Variants in GNE observed in about 807,000 individuals in gnomAD.
The protein encoded by GNE is glucosamine (UDP-N-acetyl)-2-epimerase/N-acetylmannosamine kinase, also known as bifunctional UDP-N-acetylglucosamine 2-epimerase/N-acetylmannosamine kinase.
Under a neutral mutation model 61.8 loss-of-function variants are expected in GNE, and 41 were observed. The ratio of observed to expected loss-of-function variants is 0.66; its 90% CI spans 0.52 to 0.86. The LOEUF is 0.86. Ranked by LOEUF, GNE falls within the 40% of genes least tolerant of loss-of-function variation. The probability of loss-of-function intolerance (pLI) is 0.00; values close to 1 mark genes in which losing one functional copy is unlikely to be tolerated. For synonymous variants in GNE, 264 were observed against 326.4 expected (o/e 0.81, Z 2.06); for missense variants, 608 against 909.1 (o/e 0.67, Z 4.26).
rs148697863 is a variant in GNE at position 36,227,596 on chromosome 9, G to A, written c.1071-138C>T. On this transcript the variant is annotated intron_variant, in intron 6 of 11. Coordinates refer to ENST00000642385, the MANE Select transcript of GNE (RefSeq NM_005476.7). Reference sequence around the variant, plus strand: ...CTTCCTAAAGTGACATCTTCCTGCCGTGCACAGTGGCTCACACCTGTAATC... The same window carrying A: ...CTTCCTAAAGTGACATCTTCCTGCCATGCACAGTGGCTCACACCTGTAATC... 635 of 685,340 alleles carry A rather than the reference G, an allele frequency of 9.3e-4. 2 individuals carry two copies. The East Asian group carries it at 0.016, about 17-fold the overall frequency. The allele number at this position is 685,340 out of a possible 1,614,324, so 42.5% of individuals were successfully genotyped here.
chr9:36,221,237 C>A (rs1327758739), intron 9 of GNE, among the ~76,000 whole-genome samples: 5 of 152,158 alleles, frequency 3.3e-5, no homozygotes, highest in Non-Finnish European at 7.4e-5. Flanking sequence ...AGGGGAATCA[C>A]TTGAATCTGG....
rs34605685 is a variant in GNE, at chr9:36,248,026, CAAAAAAAAA to C, written c.164+1157_164+1165del. On this transcript the variant is annotated intron_variant, in intron 2 of 11. Coordinates refer to ENST00000642385, the MANE Select transcript of GNE (RefSeq NM_005476.7). ...GGGCAACAAGAGCAAAACTCCGTCT[CAAAAAAAAA>C]AAAAAAAAAAAAAATCTGTGGATCC... 4.5e-3 allele frequency among the ~76,000 whole-genome samples: 367 copies of C among 80,836 alleles called. 2 individuals carry two copies. Among genetic ancestry groups the C allele is most frequent in the Middle Eastern group, 0.019 (2 of 106 alleles). The allele number at this position is 80,836 out of a possible 152,430, so 53.0% of individuals were successfully genotyped here.
intron 1 of GNE, among the ~76,000 whole-genome samples, chr9:36,271,509 G>C (rs1221064803): frequency 1.3e-5 from 2 of 152,162 alleles, no homozygotes; most frequent in East Asian, 1.9e-4. Flanking sequence ...AAGTAGCTGG[G>C]ACTACAGGCG....
upstream of GNE, among the ~76,000 whole-genome samples, chr9:36,260,852 G>A (rs1417950306): frequency 5.5e-5 from 7 of 127,672 alleles, no homozygotes; most frequent in Non-Finnish European, 7.9e-5. Context: ...CTGGGCAACA[G>A]AGCGAGACTC....
chr9:36,229,052 G>T lies in GNE; in HGVS notation c.1039C>A (p.Leu347Met). The change falls in exon 6 of 12, where the codon CTG (leucine) becomes ATG (methionine). Residue 347 changes from leucine (L) to methionine (M), a missense_variant. By Grantham distance (15) the Leu-to-Met change is conservative. Coordinates refer to ENST00000642385, the MANE Select transcript of GNE (RefSeq NM_005476.7). The stretch of plus-strand genomic sequence containing the variant: ...TACTGTTTACCAAACTGAAGGTGCA[G>T]TGCTTGCAATATTTTGTCTTGGGTG... ...ADTQDKILQA[L>M]HLQFGKQYPC... 3.7e-6 allele frequency: 6 copies of T among 1,610,788 alleles called. No homozygotes were observed. The highest frequency in any genetic ancestry group is 5.1e-6 in the Non-Finnish European group (6 of 1,177,010).
At chr9:36,231,081 A>AAAAAAAAAAAAAG (rs1554660476) in intron 5 of GNE, among the ~76,000 whole-genome samples, 1 of 140,872 alleles carries the variant, frequency 7.1e-6, no homozygotes, top group African/African-American at 2.7e-5. Context: ...AAAAAAAAAA[A>AAAAAAAAAAAAAG]AAAGAAAGAA....
intron 1 of GNE, chr9:36,265,709 T>A (rs544047539): frequency 3.2e-6 from 1 of 314,796 alleles, no homozygotes; most frequent in Admixed American, 3.8e-5. Context: ...GAAGTGGGGG[T>A]GGGGATGGTT....
In GNE at chr9:36,276,293, A is replaced by T. The variant is rs533479221; in HGVS notation, c.51+601T>A. On this transcript the variant is annotated intron_variant, in intron 1 of 11. Transcript: ENST00000396594. ...GATGATGATTTCCTAAAACATTTGG[A>T]TTTCCATATGCCTCAATGAAAAATT... is the stretch of plus-strand genomic sequence containing the variant. Among the ~76,000 whole-genome samples the T allele has an allele frequency of 2.0e-5, 3 of 152,308 alleles. No homozygotes were observed. The South Asian group carries it at 6.2e-4, about 32-fold the overall frequency.
intron 1 of GNE, among the ~76,000 whole-genome samples, chr9:36,252,218 C>CTCA (rs1830132629): frequency 6.6e-6 from 1 of 152,208 alleles, no homozygotes; most frequent in South Asian, 2.1e-4. Context: ...AACTCCTGAC[C>CTCA]TCATGATCCA....
At chr9:36,269,096 C>G (rs1363535396) in intron 1 of GNE, among the ~76,000 whole-genome samples, 3 of 150,134 alleles carry the variant, frequency 2.0e-5, no homozygotes, top group Non-Finnish European at 4.4e-5. Context: ...TGCCACTGCA[C>G]TCCAGCCTGG....
At chr9:36,259,320 C>A (rs746475214), upstream of GNE, among the ~76,000 whole-genome samples, 9 of 152,200 alleles carry the variant, frequency 5.9e-5, no homozygotes, top group South Asian at 2.1e-4. Flanking sequence ...CGAGACCAAC[C>A]TGGGCAACAG....
intron 9 of GNE, among the ~76,000 whole-genome samples, chr9:36,221,768 C>T (rs987780806): frequency 1.3e-5 from 2 of 151,940 alleles, no homozygotes; most frequent in Non-Finnish European, 1.5e-5. Context: ...ATCCCTCGAG[C>T]CCAGCAGTTT....
chr9:36,243,257 C>T (rs1829724954), intron 3 of GNE, among the ~76,000 whole-genome samples: 1 of 152,112 alleles, frequency 6.6e-6, no homozygotes, highest in Non-Finnish European at 1.5e-5. Context: ...GTTGCCCAGG[C>T]TGTTCTCAAA....
chr9:36,253,194 T>C lies in GNE; in HGVS notation c.-42-3797A>G, dbSNP rs190109813. On this transcript the variant is annotated intron_variant, in intron 1 of 11. Coordinates refer to ENST00000642385, the MANE Select transcript of GNE (RefSeq NM_005476.7). ...ATATATATGATGTGTATATATATGATGTATGTATGTGTATACATACACACA... is the reference window on the plus strand; with the variant it reads ...ATATATATGATGTGTATATATATGACGTATGTATGTGTATACATACACACA... 9.2e-4 allele frequency among the ~76,000 whole-genome samples: 140 copies of C among 152,010 alleles called. 1 individual carries two copies. The highest frequency in any genetic ancestry group is 3.9e-3 in the Admixed American group (59 of 15,278).
At chr9:36,255,231 G>A (rs941932066) in intron 1 of GNE, among the ~76,000 whole-genome samples, 6 of 151,902 alleles carry the variant, frequency 3.9e-5, no homozygotes, top group Admixed American at 2.6e-4. Flanking sequence ...TTCTTGAGAC[G>A]GAGTGTCACT....
chr9:36,250,368 A>AC (rs2133130533), intron 1 of GNE, among the ~76,000 whole-genome samples: 1 of 152,308 alleles, frequency 6.6e-6, no homozygotes, highest in East Asian at 1.9e-4. Flanking sequence ...TGCCTATCAG[A>AC]TATCTCCTGC....
chr9:36,264,724 A>G (rs972468604), intron 1 of GNE, among the ~76,000 whole-genome samples: 2 of 152,202 alleles, frequency 1.3e-5, no homozygotes, highest in Non-Finnish European at 2.9e-5. Context: ...CTTGCAACTT[A>G]GCTCACACCC....
At chr9:36,230,563 C>T (rs990478630) in intron 5 of GNE, among the ~76,000 whole-genome samples, 1 of 150,498 alleles carries the variant, frequency 6.6e-6, no homozygotes, top group East Asian at 2.0e-4. Context: ...CTCAAGTGAT[C>T]CTCCCGCCTC....
At chr9:36,246,764 G>A (rs375282340) in intron 2 of GNE, among the ~76,000 whole-genome samples, 131 of 151,070 alleles carry the variant, frequency 8.7e-4, no homozygotes, top group African/African-American at 2.8e-3. Flanking sequence ...TGCCTCCCGG[G>A]TTCAAGCGAT....
Sources: allele counts gnomAD v4.1 joint callset (sites outside exome capture counted in the v4.1 genomes callset), GRCh38; gene constraint gnomAD v4.1.1; transcripts MANE v1.5; gene names NCBI Gene and HGNC (gene_info 2026-07-23, HGNC 2026-07-21).